Variants in TEX10 observed in about 807,000 individuals in gnomAD.
The protein encoded by TEX10 is testis expressed 10.
In TEX10, 24 loss-of-function variants were observed where a neutral mutation model predicts 104.4. That is an observed-to-expected ratio of 0.23 (90% confidence interval 0.17 to 0.32). TEX10 has a LOEUF of 0.32. TEX10 is among the 10% of genes least tolerant of loss of function. TEX10 has a pLI of 1.00. For missense variants in TEX10, 921 were observed against 1,083.9 expected, an observed-to-expected ratio of 0.85 and a Z score of 2.11; for synonymous variants, 396 against 393.4, an observed-to-expected ratio of 1.01 and a Z score of -0.08.
chr9:100,332,073 A>G (rs1207498751), intron 5 of TEX10, among the ~76,000 whole-genome samples: 1 of 152,236 alleles, frequency 6.6e-6, no homozygotes, highest in Non-Finnish European at 1.5e-5. Context: ...TCATAATCAA[A>G]TCCAGACGGA....
At chr9:100,307,090 C>T (rs1588162810) in intron 13 of TEX10, 1 of 152,120 alleles carries the variant, frequency 6.6e-6, no homozygotes, top group Non-Finnish European at 1.5e-5. Flanking sequence ...TTATGTTATG[C>T]ATAAATTTTA....
intron 5 of TEX10, among the ~76,000 whole-genome samples, chr9:100,340,024 A>C (rs1395580964): frequency 6.6e-6 from 1 of 152,172 alleles, no homozygotes; most frequent in Admixed American, 6.5e-5. Context: ...AAGCTGATAC[A>C]TTCATCTAGC....
chr9:100,349,298 C>T lies in TEX10; in HGVS notation c.66G>A (p.Lys22=). The T allele has an allele frequency of 2.5e-6, 4 of 1,604,774 alleles. No homozygotes were observed. The highest frequency in any genetic ancestry group is 3.4e-6 in the Non-Finnish European group (4 of 1,177,460). The stretch of plus-strand genomic sequence containing the variant: ...TAGGAGTAGCATTTTGTAACTTGGG[C>T]TTCTTTTTACCAACTTTCAATTTTA... ...QKVKLKVGKK[K]PKLQNATPTN... is the part of the protein sequence containing the mutation. The change falls in exon 2 of 15, where the codon AAG becomes AAA. Residue 22 remains lysine (K), a synonymous_variant. Coordinates refer to ENST00000374902, the MANE Select transcript of TEX10 (RefSeq NM_017746.4).
At chr9:100,351,738 T>G (rs1587749006) in intron 1 of TEX10, among the ~76,000 whole-genome samples, 1 of 152,376 alleles carries the variant, frequency 6.6e-6, no homozygotes, top group African/African-American at 2.4e-5. Context: ...GAAGGCTGAT[T>G]GACCTTCCTT....
intron 7 of TEX10, among the ~76,000 whole-genome samples, 188 bp from the exon 8 acceptor site, chr9:100,328,150 C>T (rs1365495615): frequency 6.6e-6 from 1 of 152,084 alleles, no homozygotes; most frequent in East Asian, 1.9e-4. Context: ...CAAGGCTTTA[C>T]CCACTAAATT....
intron 1 of TEX10, chr9:100,352,272 G>A (rs1835472995): frequency 7.8e-7 from 1 of 1,285,486 alleles, no homozygotes; most frequent in East Asian, 2.5e-5. Flanking sequence ...AAAAGCAAAT[G>A]GCCCAGGCAG....
At chr9:100,352,413 A>G in intron 1 of TEX10, 1 of 1,551,760 alleles carries the variant, frequency 6.4e-7, no homozygotes, top group Non-Finnish European at 8.7e-7. Context: ...CCAGAGGCGA[A>G]CACACCATGG....
intron 4 of TEX10, among the ~76,000 whole-genome samples, chr9:100,345,447 C>T (rs1367934534): frequency 6.6e-6 from 1 of 152,210 alleles, no homozygotes; most frequent in African/African-American, 2.4e-5. Context: ...AAAGTCCTTA[C>T]AGCAATTCTT....
At chr9:100,338,781 A>C (rs1587737521) in intron 5 of TEX10, among the ~76,000 whole-genome samples, 1 of 152,014 alleles carries the variant, frequency 6.6e-6, no homozygotes, top group East Asian at 1.9e-4. Flanking sequence ...AATCCCAGCT[A>C]CTCAGGAGGC....
At chr9:100,308,449 G>T in intron 13 of TEX10, 51 bp downstream of exon 13, 2 of 1,456,922 alleles carry the variant, frequency 1.4e-6, no homozygotes, top group South Asian at 1.4e-5. Flanking sequence ...TATTTGGTTG[G>T]GGGAGGAGGA....
At chr9:100,347,711 G>A (rs1835334613) in intron 2 of TEX10, among the ~76,000 whole-genome samples, 1 of 152,028 alleles carries the variant, frequency 6.6e-6, no homozygotes, top group African/African-American at 2.4e-5. Flanking sequence ...AACCTACTAG[G>A]TACCAAACAT....
At chr9:100,344,446 T>C (rs771219974) in intron 4 of TEX10, among the ~76,000 whole-genome samples, 10 of 152,216 alleles carry the variant, frequency 6.6e-5, no homozygotes, top group Middle Eastern at 3.2e-3. Context: ...TACTAGTCTA[T>C]CTAAATACAA....
intron 5 of TEX10, among the ~76,000 whole-genome samples, chr9:100,339,774 CTTT>C (rs61514732): frequency 6.9e-6 from 1 of 145,478 alleles, no homozygotes; most frequent in Non-Finnish European, 1.5e-5. Context: ...TCTAGGCTTA[CTTT>C]TTTTTTTTTA....
chr9:100,312,163 T>C (rs1304100305), intron 11 of TEX10, among the ~76,000 whole-genome samples: 1 of 152,220 alleles, frequency 6.6e-6, no homozygotes, highest in South Asian at 2.1e-4. Context: ...CCAAACCACA[T>C]TTGAAAAGTG....
intron 13 of TEX10, chr9:100,307,435 T>A (rs968476562): frequency 3.3e-5 from 5 of 152,188 alleles, no homozygotes; most frequent in Non-Finnish European, 7.3e-5. Context: ...AGAACTTTGC[T>A]GAACCCTGGT....
intron 7 of TEX10, 33 bp from the exon 8 acceptor site, chr9:100,327,995 A>G: frequency 6.9e-7 from 1 of 1,453,456 alleles, no homozygotes; most frequent in African/African-American, 1.4e-5. Context: ...AAAATGTAAT[A>G]CTCAAAGACA....
At chr9:100,323,445 A>G (rs745453943) in intron 9 of TEX10, among the ~76,000 whole-genome samples, 2 of 152,202 alleles carry the variant, frequency 1.3e-5, no homozygotes, top group Non-Finnish European at 2.9e-5. Flanking sequence ...ACCACGGAGC[A>G]TCTTTCCGTA....
At chr9:100,343,336 C>G (rs1182262933) in intron 4 of TEX10, among the ~76,000 whole-genome samples, 3 of 118,306 alleles carry the variant, frequency 2.5e-5, no homozygotes, top group Admixed American at 2.5e-4. Context: ...TAAGGGAATG[C>G]AAAAAAAAAA....
chr9:100,330,173 G>A lies in TEX10; in HGVS notation c.1251-4C>T. On this transcript the variant is annotated splice_region_variant and splice_polypyrimidine_tract_variant and intron_variant, in intron 5 of 14. Transcript: ENST00000374902. ...GAGAACTGTGCAATGCTTGATGCTA[G>A]AAACAAAGACACACACATCTATAAA... is the stretch of plus-strand genomic sequence containing the variant. 1 of 1,576,174 alleles carries A rather than the reference G, an allele frequency of 6.3e-7. No individual in the cohort carries two copies. The highest frequency in any genetic ancestry group is 2.2e-5 in the East Asian group (1 of 44,488).
Sources: gnomAD v4.1 joint callset for allele counts (sites outside exome capture counted in the v4.1 genomes callset) on GRCh38, gnomAD v4.1.1 for gene constraint, MANE v1.5 for transcripts, NCBI Gene and HGNC (gene_info 2026-07-23, HGNC 2026-07-21) for gene names.